The following PDS5B variants were observed in gnomAD, a reference collection of about 807,000 sequenced individuals.
The protein encoded by PDS5B is sister chromatid cohesion protein PDS5 homolog B.
Under a neutral mutation model 184.1 loss-of-function variants are expected in PDS5B, and 51 were observed. The observed-to-expected ratio is 0.28, with a 90% CI of 0.22 to 0.35. The LOEUF (loss-of-function observed/expected upper bound fraction) is 0.35, where lower values mean the gene tolerates loss of function less well. Ranked by LOEUF, PDS5B falls within the 10% of genes least tolerant of loss-of-function variation. The probability of loss-of-function intolerance (pLI) is 1.00; values close to 1 mark genes in which losing one functional copy is unlikely to be tolerated. For missense variants in PDS5B, 1,180 were observed against 1,723.3 expected, an observed-to-expected ratio of 0.68 and a Z score of 5.58; for synonymous variants, 566 against 569.2, an observed-to-expected ratio of 0.99 and a Z score of 0.08.
At chr13:32,700,036 GT>G (rs1405196541) in intron 16 of PDS5B, among the ~76,000 whole-genome samples, 167 bp downstream of exon 16, 23 of 152,086 alleles carry the variant, frequency 1.5e-4, no homozygotes, top group Non-Finnish European at 2.9e-4. Flanking sequence ...ATATTGTGGT[GT>G]ATGTCCTTCT....
intron 19 of PDS5B, among the ~76,000 whole-genome samples, chr13:32,718,730 C>T (rs1013918760): frequency 3.9e-5 from 6 of 152,082 alleles, no homozygotes; most frequent in African/African-American, 9.6e-5. Flanking sequence ...GAGAATCAAC[C>T]GAAAAACTAC....
Position 32,775,935 on chromosome 13 carries a change from T to C in PDS5B, c.*883T>C. 4.6e-6 allele frequency: 1 copy of C among 219,676 alleles called. No individual in the cohort carries two copies. Among genetic ancestry groups the C allele is most frequent in the South Asian group, 5.9e-5 (1 of 16,922 alleles). 13.6% of individuals were successfully genotyped at this position (219,676 alleles called of 1,614,324 possible). A position where few individuals can be genotyped will look rare whatever the true frequency, so the allele number is the denominator to read the frequency against. On this transcript the variant is annotated 3_prime_UTR_variant, in exon 35 of 35. Transcript: ENST00000315596. Reference sequence around the variant, plus strand: ...TTTAATAGTCTAGAATGTTATTGTGTATAGATATTTCCTCTTGAACGTTAT... The same window carrying C: ...TTTAATAGTCTAGAATGTTATTGTGCATAGATATTTCCTCTTGAACGTTAT...
Position 32,739,884 on chromosome 13 carries a change from T to A in PDS5B, c.2407-1196T>A, listed in dbSNP as rs143297223. Among the ~76,000 whole-genome samples, 72 of 152,294 alleles carry A rather than the reference T, an allele frequency of 4.7e-4. No individual in the cohort carries two copies. In the East Asian group the frequency reaches 0.013, roughly 29 times the overall value. On this transcript the variant is annotated intron_variant, in intron 21 of 34. Coordinates refer to ENST00000315596, the MANE Select transcript of PDS5B (RefSeq NM_015032.4). ...ATAATTTTCAGATTTCTTATGTTGT[T>A]TGTTTTTATTGTATCTTTTGTGGCT...
At chr13:32,723,882 A>G (rs1216015549) in intron 19 of PDS5B, among the ~76,000 whole-genome samples, 1 of 152,172 alleles carries the variant, frequency 6.6e-6, no homozygotes, top group Non-Finnish European at 1.5e-5. Context: ...TATTATTGAA[A>G]TTTTCAAACA....
chr13:32,757,274 C>T lies in PDS5B; in HGVS notation c.3057-813C>T, dbSNP rs77852783. Among the ~76,000 whole-genome samples the T allele has an allele frequency of 2.5e-3, 382 of 152,266 alleles. 2 individuals carry two copies. Among genetic ancestry groups the T allele is most frequent in the African/African-American group, 8.5e-3 (355 of 41,550 alleles). ...TCCTTTGGAATTTACTAGACACTTA[C>T]GGTTATATTTCTAAGTAGCCCCAGT... is the stretch of plus-strand genomic sequence containing the variant. On this transcript the variant is annotated intron_variant, in intron 26 of 34. Transcript: ENST00000315596.
intron 1 of PDS5B, among the ~76,000 whole-genome samples, chr13:32,644,693 TATCTC>T (rs1950176890): frequency 6.6e-6 from 1 of 152,204 alleles, no homozygotes; most frequent in African/African-American, 2.4e-5. Context: ...GCATCCTACT[TATCTC>T]AGATAAAGGA....
At chr13:32,765,362 ATTGTTACGAC>A (rs1368007862) in intron 31 of PDS5B, among the ~76,000 whole-genome samples, 1 of 152,212 alleles carries the variant, frequency 6.6e-6, no homozygotes, top group African/African-American at 2.4e-5. Context: ...CTGCTGTTTC[ATTGTTACGAC>A]TTTTGATTAT....
rs772465145 is a variant in PDS5B, at chr13:32,764,489, G to A, written c.3519G>A (p.Arg1173=). Residue 1173 remains arginine (R), a splice_region_variant and synonymous_variant, in exon 31 of 35, where the codon AGG becomes AGA. Coordinates refer to ENST00000315596, the MANE Select transcript of PDS5B (RefSeq NM_015032.4). ...CAATTACAAATGTCTGTATTAAAAG[G>A]CTTGATAGTTCTGAAATGGATCACA... ...NPSSPGRIKG[R]LDSSEMDHSE... is the part of the protein sequence containing the mutation. 1.3e-6 allele frequency: 2 copies of A among 1,568,466 alleles called. No homozygotes were observed. The highest frequency in any genetic ancestry group is 1.8e-5 in the Admixed American group (1 of 56,626).
chr13:32,766,630 A>G (rs1328789272), intron 31 of PDS5B, among the ~76,000 whole-genome samples: 2 of 152,174 alleles, frequency 1.3e-5, no homozygotes, highest in Admixed American at 1.3e-4. Flanking sequence ...TCTCATTGAA[A>G]TTTCACAGCA....
chr13:32,602,184 C>T (rs966278008), intron 1 of PDS5B, among the ~76,000 whole-genome samples: 9 of 151,836 alleles, frequency 5.9e-5, no homozygotes, highest in Non-Finnish European at 1.3e-4. Flanking sequence ...TGTTGGTGTG[C>T]TGCACCTGTT....
chr13:32,733,069 A>T (rs1325253479), intron 20 of PDS5B, among the ~76,000 whole-genome samples: 1 of 152,082 alleles, frequency 6.6e-6, no homozygotes, highest in Non-Finnish European at 1.5e-5. Context: ...GTATTTGGGG[A>T]TGGCGGTATT....
chr13:32,638,547 C>G (rs1310691590), intron 1 of PDS5B, among the ~76,000 whole-genome samples: 1 of 152,118 alleles, frequency 6.6e-6, no homozygotes, highest in African/African-American at 2.4e-5. Flanking sequence ...GAGGACAATA[C>G]CTGAGGCAGG....
At chr13:32,764,005 C>T (rs1954499852) in intron 30 of PDS5B, among the ~76,000 whole-genome samples, 1 of 152,080 alleles carries the variant, frequency 6.6e-6, no homozygotes, top group African/African-American at 2.4e-5. Context: ...GATTTAAGTG[C>T]TTGGCATACA....
At chr13:32,671,999 A>G (rs1241283487) in intron 7 of PDS5B, among the ~76,000 whole-genome samples, 1 of 152,190 alleles carries the variant, frequency 6.6e-6, no homozygotes, top group Non-Finnish European at 1.5e-5. Context: ...CAGTAGTAAT[A>G]TGATAAATGA....
At chr13:32,719,738 A>G (rs75159526) in intron 19 of PDS5B, among the ~76,000 whole-genome samples, 1,742 of 152,062 alleles carry the variant, frequency 0.011, 29 homozygotes, top group African/African-American at 0.04. Flanking sequence ...AACTATTTTC[A>G]GTATATATTA....
intron 1 of PDS5B, among the ~76,000 whole-genome samples, chr13:32,591,601 G>A (rs1022794501): frequency 8.5e-5 from 13 of 152,212 alleles, no homozygotes; most frequent in African/African-American, 1.9e-4. Flanking sequence ...GACCAGCAGC[G>A]TATGAGAATG....
intron 10 of PDS5B, among the ~76,000 whole-genome samples, chr13:32,682,491 G>A (rs1047584224): frequency 4.6e-5 from 7 of 151,992 alleles, no homozygotes; most frequent in East Asian, 1.9e-4. Flanking sequence ...TTATTATTCC[G>A]TTGTATGAAT....
At chr13:32,716,626 G>C (rs1952433239) in intron 19 of PDS5B, among the ~76,000 whole-genome samples, 1 of 145,976 alleles carries the variant, frequency 6.9e-6, no homozygotes, top group East Asian at 2.1e-4. Context: ...GGGGGGGTCA[G>C]CCCCCCGCCC....
chr13:32,770,693 G>A lies in PDS5B; in HGVS notation c.4104G>A (p.Gln1368=), dbSNP rs1038851146. Residue 1368 remains glutamine (Q), a synonymous_variant, in exon 33 of 35, where the codon CAG becomes CAA. Coordinates refer to ENST00000315596, the MANE Select transcript of PDS5B (RefSeq NM_015032.4). ...SPESSAIEST[Q]STPQKGRGRP... is the part of the protein sequence containing the mutation. The stretch of plus-strand genomic sequence containing the variant: ...AATCTAGTGCAATTGAATCCACACA[G>A]TCCACACCACAGAAAGGACGAGGAA... 5 of 1,611,128 alleles carry A rather than the reference G, an allele frequency of 3.1e-6. No individual in the cohort carries two copies. The African/African-American group carries it at 6.7e-5, about 22-fold the overall frequency.
Sources: gnomAD v4.1 joint callset for allele counts (sites outside exome capture counted in the v4.1 genomes callset) on GRCh38, gnomAD v4.1.1 for gene constraint, MANE v1.5 for transcripts, NCBI Gene and HGNC (gene_info 2026-07-23, HGNC 2026-07-21) for gene names.